Variants in CRYGB observed in about 807,000 individuals in gnomAD.
CRYGB encodes crystallin gamma B.
Under a neutral mutation model 21.3 loss-of-function variants are expected in CRYGB, and 19 were observed. The ratio of observed to expected loss-of-function variants is 0.89; its 90% CI spans 0.62 to 1.31. The LOEUF (loss-of-function observed/expected upper bound fraction) is 1.31, where lower values mean the gene tolerates loss of function less well. CRYGB is among the 50% of genes most tolerant of loss of function. CRYGB has a pLI of 0.00. For synonymous variants in CRYGB, 81 were observed against 81.2 expected (o/e 1.00, Z 0.01); for missense variants, 254 against 228.4 (o/e 1.11, Z -0.72).
chr2:208,143,816 TC>T (rs1559327415), intron 2 of CRYGB, among the ~76,000 whole-genome samples: 1 of 151,980 alleles, frequency 6.6e-6, no homozygotes, highest in African/African-American at 2.4e-5. Flanking sequence ...CTGTTTCTTA[TC>T]CATGTCTAAC....
At position 208,146,127 on chromosome 2, in the gene CRYGB, G is replaced by A; in HGVS notation, c.-7C>T. On this transcript the variant is annotated 5_prime_UTR_variant, in exon 1 of 3. Transcript: ENST00000260988. ...CAGGACTTACCTTTCCCATTTTGAA[G>A]GAAGTGAGCAGATGTTTTCTGGTTG... 6.2e-7 allele frequency: 1 copy of A among 1,614,142 alleles called. No individual in the cohort carries two copies. Among genetic ancestry groups the A allele is most frequent in the Non-Finnish European group, 8.5e-7 (1 of 1,180,014 alleles).
intron 2 of CRYGB, 113 bp downstream of exon 2, chr2:208,145,661 C>G (rs542706562): frequency 1.4e-5 from 20 of 1,459,844 alleles, no homozygotes; most frequent in Admixed American, 2.5e-5. Flanking sequence ...TGCACTCCAC[C>G]CTGGGGGACA....
In CRYGB at chr2:208,142,621, T is replaced by C; in HGVS notation, c.*17A>G. On this transcript the variant is annotated 3_prime_UTR_variant, in exon 3 of 3. Transcript: ENST00000260988. ...TTTATTAGATTTTAAAGGAGAAAAG[T>C]GGAAAACGTAAATACTTCAGTACAA... The C allele has an allele frequency of 1.4e-6, 2 of 1,450,630 alleles. No homozygotes were observed. Among genetic ancestry groups the C allele is most frequent in the African/African-American group, 1.4e-5 (1 of 70,286 alleles). The allele number at this position is 1,450,630 out of a possible 1,614,324, so 89.9% of individuals were successfully genotyped here. A position where few individuals can be genotyped will look rare whatever the true frequency, so the allele number is the denominator to read the frequency against.
chr2:208,145,224 T>TTTG (rs71036980), intron 2 of CRYGB, among the ~76,000 whole-genome samples: 67,890 of 149,660 alleles, frequency 0.45, 15,632 homozygotes, highest in Non-Finnish European at 0.49. Context: ...CAAGCAAAAG[T>TTTG]TTGTTGTTGT....
At chr2:208,144,245 C>A (rs1695413457) in intron 2 of CRYGB, among the ~76,000 whole-genome samples, 2 of 151,922 alleles carry the variant, frequency 1.3e-5, no homozygotes, top group Non-Finnish European at 2.9e-5. Flanking sequence ...AAACTCCGGA[C>A]CTCAGGTGAT....
chr2:208,143,387 T>C (rs1695393060), intron 2 of CRYGB, among the ~76,000 whole-genome samples: 1 of 152,202 alleles, frequency 6.6e-6, no homozygotes, highest in African/African-American at 2.4e-5. Flanking sequence ...CAAATGCATC[T>C]CTGATTGCTT....
At chr2:208,144,646 A>G (rs2105871224) in intron 2 of CRYGB, among the ~76,000 whole-genome samples, 1 of 148,064 alleles carries the variant, frequency 6.8e-6, no homozygotes, top group East Asian at 2.0e-4. Context: ...ACTGGAGTGC[A>G]GTGGCATGAT....
rs774175380 is a variant in CRYGB, at chr2:208,145,973, T to C, written c.53A>G (p.Glu18Gly). ...TAGGTTGGGGCAGTCAGTGGTGCAT[T>C]CGTAGCTGCGGCCCTGGAAGGCCCT... ...EDRAFQGRSY[E>G]CTTDCPNLQP... Residue 18 changes from glutamate (E) to glycine (G), a missense_variant, in exon 2 of 3, where the codon GAA (glutamate) becomes GGA (glycine). By Grantham distance (98) the Glu-to-Gly change is moderately conservative. Coordinates refer to ENST00000260988, the MANE Select transcript of CRYGB (RefSeq NM_005210.4). 1 of 1,614,144 alleles carries C rather than the reference T, an allele frequency of 6.2e-7. No individual in the cohort carries two copies. Among genetic ancestry groups the C allele is most frequent in the Non-Finnish European group, 8.5e-7 (1 of 1,180,022 alleles).
rs528705835 is a variant in CRYGB at position 208,144,525 on chromosome 2, T to A, written c.252+1249A>T. Reference sequence around the variant, plus strand: ...CTCAAGTGACCCTCCCACCTCAGCCTCCTGAGTAGCTGGAACTACAGGCAT... The same window carrying A: ...CTCAAGTGACCCTCCCACCTCAGCCACCTGAGTAGCTGGAACTACAGGCAT... On this transcript the variant is annotated intron_variant, in intron 2 of 2. Coordinates refer to ENST00000260988, the MANE Select transcript of CRYGB (RefSeq NM_005210.4). Among the ~76,000 whole-genome samples, 3 of 151,836 alleles carry A rather than the reference T, an allele frequency of 2.0e-5. No individual in the cohort carries two copies. The South Asian group carries it at 6.2e-4, about 32-fold the overall frequency.
intron 2 of CRYGB, among the ~76,000 whole-genome samples, 167 bp downstream of exon 2, chr2:208,145,607 T>A (rs1695446412): frequency 6.9e-6 from 1 of 144,388 alleles, no homozygotes; most frequent in South Asian, 2.2e-4. Flanking sequence ...GGGAATTGCT[T>A]GAACCCGGGA....
In CRYGB at chr2:208,143,653, C is replaced by A. The variant is rs552816489; in HGVS notation, c.253-740G>T. Among the ~76,000 whole-genome samples, 116 of 152,280 alleles carry A rather than the reference C, an allele frequency of 7.6e-4. 2 individuals carry two copies. In the South Asian group the frequency reaches 0.024, roughly 31 times the overall value. The stretch of plus-strand genomic sequence containing the variant: ...GGGTAGCGGGATTACAGGCGCCCAC[C>A]ACCACGATTAGCTAATATTTTGTAT... On this transcript the variant is annotated intron_variant, in intron 2 of 2. Transcript: ENST00000260988.
In CRYGB at chr2:208,144,178, G is replaced by A. The variant is rs372767230; in HGVS notation, c.253-1265C>T. ...TGGGATTACAGGCACGCGCCACCAC[G>A]CCCAGCTAATTTTGTATTTTTAGTA... is the stretch of plus-strand genomic sequence containing the variant. On this transcript the variant is annotated intron_variant, in intron 2 of 2. Transcript: ENST00000260988. Among the ~76,000 whole-genome samples, 132 of 151,070 alleles carry A rather than the reference G, an allele frequency of 8.7e-4. 1 individual carries two copies. Among genetic ancestry groups the A allele is most frequent in the African/African-American group, 3.1e-3 (129 of 41,168 alleles).
rs142007191 is a variant in CRYGB at position 208,142,692 on chromosome 2, C to G, written c.474G>C (p.Trp158Cys). 1.3e-6 allele frequency: 2 copies of G among 1,596,956 alleles called. No individual in the cohort carries two copies. Among genetic ancestry groups the G allele is most frequent in the African/African-American group, 1.3e-5 (1 of 74,124 alleles). ...RPGEYRRFLD[W>C]GAPNAKVGSL... ...AGCCAACTTTGGCATTTGGAGCCCC[C>G]CAATCAAGAAACCTCCTGTACTCCC... The change falls in exon 3 of 3, where the codon TGG (tryptophan) becomes TGC (cysteine). Residue 158 changes from tryptophan (W) to cysteine (C), a missense_variant. Coordinates refer to ENST00000260988, the MANE Select transcript of CRYGB (RefSeq NM_005210.4).
Position 208,145,882 on chromosome 2 carries a change from G to A in CRYGB, c.144C>T (p.Arg48=), listed in dbSNP as rs201219362. 51 of 1,614,032 alleles carry A rather than the reference G, an allele frequency of 3.2e-5. No individual in the cohort carries two copies. Among genetic ancestry groups the A allele is most frequent in the Non-Finnish European group, 3.8e-5 (45 of 1,180,018 alleles). ...VESGCWMIYE[R]PNYQGHQYFL... ...AGTACTGGTGGCCCTGGTAGTTGGG[G>A]CGCTCATAGATCATCCAGCAGCCGC... The change falls in exon 2 of 3, where the codon CGC becomes CGT. Residue 48 remains arginine, a synonymous_variant. Transcript: ENST00000260988.
intron 2 of CRYGB, among the ~76,000 whole-genome samples, 182 bp from the exon 3 acceptor site, chr2:208,143,095 T>G (rs1007179855): frequency 6.6e-5 from 10 of 152,156 alleles, no homozygotes; most frequent in Non-Finnish European, 1.5e-4. Flanking sequence ...CACCGCTGAG[T>G]CTAATGATTC....
Position 208,145,545 on chromosome 2 carries a change from T to C in CRYGB, c.252+229A>G, listed in dbSNP as rs796282. Among the ~76,000 whole-genome samples the C allele has an allele frequency of 0.93, 140,441 of 151,608 alleles. 65,648 individuals are homozygous for C. The highest frequency in any genetic ancestry group is 0.96 in the Non-Finnish European group (65,185 of 67,888). On this transcript the variant is annotated intron_variant, in intron 2 of 2. Transcript: ENST00000260988. ...CTCTACTATGAATACAAAAATTGGC[T>C]GGGCATGGTGGTGCATGCCTGTAAT...
At chr2:208,145,266 T>C (rs917774571) in intron 2 of CRYGB, among the ~76,000 whole-genome samples, 1 of 140,520 alleles carries the variant, frequency 7.1e-6, no homozygotes, top group African/African-American at 2.6e-5. Context: ...CGTTTTGAGA[T>C]GGAGTCTCAC....
chr2:208,142,604 A>G lies in CRYGB; in HGVS notation c.*34T>C, dbSNP rs1430044066. ...AAACACAAGCTAAATATTTTATTAG[A>G]TTTTAAAGGAGAAAAGTGGAAAACG... On this transcript the variant is annotated 3_prime_UTR_variant, in exon 3 of 3. Transcript: ENST00000260988. The G allele has an allele frequency of 1.4e-6, 2 of 1,450,674 alleles. No homozygotes were observed. The highest frequency in any genetic ancestry group is 1.8e-6 in the Non-Finnish European group (2 of 1,100,310). The allele number at this position is 1,450,674 out of a possible 1,614,324, so 89.9% of individuals were successfully genotyped here. A position where few individuals can be genotyped will look rare whatever the true frequency, so the allele number is the denominator to read the frequency against.
At chr2:208,144,246 C>T (rs550442293) in intron 2 of CRYGB, among the ~76,000 whole-genome samples, 1 of 151,846 alleles carries the variant, frequency 6.6e-6, no homozygotes, top group Non-Finnish European at 1.5e-5. Context: ...AACTCCGGAC[C>T]TCAGGTGATC....
Sources: gnomAD v4.1 joint callset for allele counts (sites outside exome capture counted in the v4.1 genomes callset) on GRCh38, gnomAD v4.1.1 for gene constraint, MANE v1.5 for transcripts, NCBI Gene and HGNC (gene_info 2026-07-23, HGNC 2026-07-21) for gene names.